The following ULK4 variants were observed in gnomAD, a reference collection of about 807,000 sequenced individuals.
The protein encoded by ULK4 is inactive serine/threonine-protein kinase ULK4.
ULK4 carries 133 observed loss-of-function variants against 160.6 expected under a neutral mutation model. That is an observed-to-expected ratio of 0.83 (90% CI 0.72 to 0.96). The LOEUF (loss-of-function observed/expected upper bound fraction) is 0.96, where lower values mean the gene tolerates loss of function less well. Ranked by LOEUF, ULK4 falls within the 40% of genes least tolerant of loss-of-function variation. The pLI is 0.00. For missense variants in ULK4, 1,580 were observed against 1,499.5 expected (o/e 1.05, Z -0.89); for synonymous variants, 534 against 539.8 (o/e 0.99, Z 0.15).
At chr3:41,527,165 T>C (rs567235993) in intron 32 of ULK4, among the ~76,000 whole-genome samples, 2 of 152,350 alleles carry the variant, frequency 1.3e-5, no homozygotes, top group African/African-American at 4.8e-5. Flanking sequence ...GGGTAACATG[T>C]GTACAGCTTT....
intron 30 of ULK4, among the ~76,000 whole-genome samples, chr3:41,625,283 T>C (rs1336801959): frequency 1.3e-5 from 2 of 152,234 alleles, no homozygotes; most frequent in East Asian, 1.9e-4. Context: ...TGAATAACTT[T>C]TGATAAAATA....
intron 22 of ULK4, among the ~76,000 whole-genome samples, chr3:41,748,395 G>T (rs563326731): frequency 6.6e-6 from 1 of 151,874 alleles, no homozygotes; most frequent in South Asian, 2.1e-4. Context: ...GCAGTTTAAG[G>T]TTTCTTAATG....
At chr3:41,757,133 G>T (rs968512691) in intron 21 of ULK4, among the ~76,000 whole-genome samples, 2 of 151,952 alleles carry the variant, frequency 1.3e-5, no homozygotes, top group African/African-American at 4.8e-5. Context: ...ACTAAGAAAA[G>T]AACTTAAGAA....
chr3:41,360,924 G>A (rs61207466), intron 35 of ULK4, among the ~76,000 whole-genome samples: 7,376 of 122,764 alleles, frequency 0.06, 425 homozygotes, highest in East Asian at 0.24. Context: ...CCCTGAACTT[G>A]AAATTAGAGT....
rs367739920 is a variant in ULK4, at chr3:41,944,403, G to A, written c.139-6206C>T. Among the ~76,000 whole-genome samples, 23 of 152,232 alleles carry A rather than the reference G, an allele frequency of 1.5e-4. No individual in the cohort carries two copies. In the Middle Eastern group the frequency reaches 0.014, roughly 90 times the overall value. ...TGCAGTGAGCTGAAATCATGCCACT[G>A]TACTCCAGTCTGGGCTACAGAGTGA... On this transcript the variant is annotated intron_variant, in intron 2 of 36. Coordinates refer to ENST00000301831, the MANE Select transcript of ULK4 (RefSeq NM_017886.4).
At chr3:41,871,332 C>T (rs911674967) in intron 17 of ULK4, among the ~76,000 whole-genome samples, 4 of 152,070 alleles carry the variant, frequency 2.6e-5, no homozygotes, top group Non-Finnish European at 5.9e-5. Flanking sequence ...CATAAGATTT[C>T]ATACTTCTGA....
chr3:41,882,535 T>C (rs1341665257), intron 17 of ULK4, among the ~76,000 whole-genome samples: 1 of 152,234 alleles, frequency 6.6e-6, no homozygotes, highest in African/African-American at 2.4e-5. Context: ...TTTATCCTCT[T>C]TCTTTCTGAA....
At chr3:41,714,838 C>A (rs150087625) in intron 25 of ULK4, among the ~76,000 whole-genome samples, 3 of 119,438 alleles carry the variant, frequency 2.5e-5, no homozygotes, top group Admixed American at 1.5e-4. Flanking sequence ...GGCAACAGAG[C>A]GAGACTCTGT....
intron 35 of ULK4, among the ~76,000 whole-genome samples, chr3:41,269,786 AAAGTT>A (rs1250781604): frequency 1.3e-5 from 2 of 152,314 alleles, no homozygotes; most frequent in East Asian, 3.9e-4. Context: ...CATTTCTTAT[AAAGTT>A]AAGTTACCTA....
intron 35 of ULK4, among the ~76,000 whole-genome samples, chr3:41,298,022 T>A: frequency 6.6e-6 from 1 of 152,162 alleles, no homozygotes; most frequent in East Asian, 1.9e-4. Flanking sequence ...TTACAGTAGA[T>A]AAAAATTGCC....
intron 25 of ULK4, among the ~76,000 whole-genome samples, chr3:41,706,347 TAATATA>T (rs1438935312): frequency 6.9e-6 from 1 of 144,030 alleles, no homozygotes; most frequent in East Asian, 2.0e-4. Flanking sequence ...ATAAACAAAA[TAATATA>T]TATATATTTA....
At chr3:41,528,353 T>C (rs915366906) in intron 32 of ULK4, among the ~76,000 whole-genome samples, 10 of 152,232 alleles carry the variant, frequency 6.6e-5, no homozygotes, top group African/African-American at 2.4e-4. Flanking sequence ...AATCTAATTA[T>C]ATACTTGAAT....
chr3:41,519,156 T>C (rs1205857424), intron 32 of ULK4, among the ~76,000 whole-genome samples: 1 of 152,180 alleles, frequency 6.6e-6, no homozygotes. Context: ...CAAAATTCAA[T>C]CTTCAACCTG....
At chr3:41,441,097 A>G (rs1262232043) in intron 34 of ULK4, among the ~76,000 whole-genome samples, 2 of 151,818 alleles carry the variant, frequency 1.3e-5, no homozygotes, top group Non-Finnish European at 2.9e-5. Context: ...TTGGGTTTTG[A>G]TTTTACTTAT....
intron 30 of ULK4, among the ~76,000 whole-genome samples, chr3:41,627,280 G>T (rs2033559088): frequency 6.6e-6 from 1 of 152,142 alleles, no homozygotes; most frequent in Non-Finnish European, 1.5e-5. Flanking sequence ...GCTCAGTTTT[G>T]CAGGACAAAG....
chr3:41,946,596 C>A (rs1700118412), intron 2 of ULK4, among the ~76,000 whole-genome samples: 1 of 152,162 alleles, frequency 6.6e-6, no homozygotes, highest in African/African-American at 2.4e-5. Flanking sequence ...AGTACATTTC[C>A]CAATAGTACT....
At chr3:41,701,597 T>C (rs1011801416) in intron 27 of ULK4, among the ~76,000 whole-genome samples, 1 of 152,066 alleles carries the variant, frequency 6.6e-6, no homozygotes, top group Non-Finnish European at 1.5e-5. Context: ...CAGTCAGAAA[T>C]AAGTGAAGAC....
chr3:41,632,029 T>C (rs951578496), intron 30 of ULK4, among the ~76,000 whole-genome samples: 1 of 152,168 alleles, frequency 6.6e-6, no homozygotes, highest in Non-Finnish European at 1.5e-5. Flanking sequence ...TGGCCACCTT[T>C]CTCTAATGAT....
intron 2 of ULK4, among the ~76,000 whole-genome samples, chr3:41,950,911 G>A (rs1352823386): frequency 5.3e-5 from 8 of 151,686 alleles, no homozygotes; most frequent in African/African-American, 9.7e-5. Flanking sequence ...TTGGGAGGCC[G>A]AAGCGGGCAG....
Sources: gnomAD v4.1 joint callset for allele counts (sites outside exome capture counted in the v4.1 genomes callset) on GRCh38, gnomAD v4.1.1 for gene constraint, MANE v1.5 for transcripts, NCBI Gene and HGNC (gene_info 2026-07-23, HGNC 2026-07-21) for gene names.